TENM2: variants seen among roughly 807,000 people sequenced by gnomAD.
TENM2 encodes teneurin-2.
Under a neutral mutation model 245.2 loss-of-function variants are expected in TENM2, and 52 were observed. The ratio of observed to expected loss-of-function variants is 0.21; its 90% confidence interval spans 0.17 to 0.27. The LOEUF is 0.27. Ranked by LOEUF, TENM2 falls within the 10% of genes least tolerant of loss-of-function variation. TENM2 has a pLI of 1.00. For synonymous variants in TENM2, 1,363 were observed against 1,438.9 expected (o/e 0.95, Z 1.19); for missense variants, 3,046 against 3,666.8 (o/e 0.83, Z 4.37).
chr5:167,917,950 T>C (rs2151619027), intron 3 of TENM2, among the ~76,000 whole-genome samples: 1 of 152,324 alleles, frequency 6.6e-6, no homozygotes, highest in East Asian at 1.9e-4. Context: ...ATTATTATTA[T>C]TGGTTAGTGT....
chr5:168,219,514 AAC>A (rs1389208583), intron 23 of TENM2, among the ~76,000 whole-genome samples: 1 of 152,104 alleles, frequency 6.6e-6, no homozygotes, highest in Non-Finnish European at 1.5e-5. Flanking sequence ...TATTTCCCCT[AAC>A]AATTATCTCA....
chr5:167,016,983 T>G, the TENM2 span, among the ~76,000 whole-genome samples: 1 of 152,232 alleles, frequency 6.6e-6, no homozygotes, highest in African/African-American at 2.4e-5. Flanking sequence ...TGCCAATTTC[T>G]GAGCCAATCC....
the TENM2 span, among the ~76,000 whole-genome samples, chr5:167,094,207 T>C: frequency 6.6e-6 from 1 of 152,222 alleles, no homozygotes; most frequent in Non-Finnish European, 1.5e-5. Context: ...TGACATATAA[T>C]AAACTACACA....
intron 2 of TENM2, among the ~76,000 whole-genome samples, chr5:167,721,869 A>C (rs1180950771): frequency 6.6e-6 from 1 of 152,202 alleles, no homozygotes; most frequent in African/African-American, 2.4e-5. Flanking sequence ...CAGAAATTCC[A>C]AATGATTCCC....
At chr5:167,852,856 C>A (rs957956659) in intron 2 of TENM2, among the ~76,000 whole-genome samples, 1 of 152,226 alleles carries the variant, frequency 6.6e-6, no homozygotes, top group Admixed American at 6.5e-5. Flanking sequence ...TCATTATGAG[C>A]TGAATTTGTT....
chr5:168,214,747 A>G (rs769248119), intron 20 of TENM2: 32 of 504,874 alleles, frequency 6.3e-5, no homozygotes, highest in Non-Finnish European at 1.2e-4. Flanking sequence ...TATCCTGCTT[A>G]CAAAAACAGG....
chr5:167,197,715 C>T, the TENM2 span, among the ~76,000 whole-genome samples: 2 of 152,024 alleles, frequency 1.3e-5, no homozygotes, highest in Non-Finnish European at 2.9e-5. Flanking sequence ...AAGGCAGCCT[C>T]AACCTCATCA....
intron 5 of TENM2, among the ~76,000 whole-genome samples, chr5:168,040,959 C>T (rs921566565): frequency 3.3e-5 from 5 of 152,170 alleles, no homozygotes; most frequent in Admixed American, 6.5e-5. Context: ...AGGACATATT[C>T]GTAGAGACTA....
At chr5:166,983,458 A>C in the TENM2 span, among the ~76,000 whole-genome samples, 2 of 152,142 alleles carry the variant, frequency 1.3e-5, no homozygotes, top group Non-Finnish European at 2.9e-5. Flanking sequence ...AAGTACAGTA[A>C]TGTGCTTTTC....
chr5:167,415,304 A>G (rs995786380), intron 2 of TENM2, among the ~76,000 whole-genome samples: 1 of 152,124 alleles, frequency 6.6e-6, no homozygotes, highest in African/African-American at 2.4e-5. Flanking sequence ...TTAACTTTAC[A>G]TTCAAATAAA....
At chr5:168,102,366 C>A (rs1793894155) in intron 9 of TENM2, among the ~76,000 whole-genome samples, 1 of 152,192 alleles carries the variant, frequency 6.6e-6, no homozygotes, top group Non-Finnish European at 1.5e-5. Flanking sequence ...AGCCACCTCG[C>A]CCAGCGATAA....
intron 1 of TENM2, among the ~76,000 whole-genome samples, chr5:167,319,158 C>G (rs1352471601): frequency 1.3e-5 from 2 of 152,118 alleles, no homozygotes; most frequent in Admixed American, 1.3e-4. Flanking sequence ...TGGGGCCAGG[C>G]TGAATATTAT....
chr5:167,593,116 A>G (rs1775984646), intron 2 of TENM2, among the ~76,000 whole-genome samples: 1 of 152,186 alleles, frequency 6.6e-6, no homozygotes, highest in South Asian at 2.1e-4. Context: ...CTCACTTTGC[A>G]TGGTCCTGCC....
At chr5:167,346,610 G>A (rs761665641) in intron 1 of TENM2, among the ~76,000 whole-genome samples, 11 of 152,058 alleles carry the variant, frequency 7.2e-5, no homozygotes, top group East Asian at 1.9e-4. Context: ...GAACTGTGAC[G>A]GTTCTGAGAT....
At chr5:167,006,332 T>C in the TENM2 span, among the ~76,000 whole-genome samples, 1 of 152,226 alleles carries the variant, frequency 6.6e-6, no homozygotes, top group Non-Finnish European at 1.5e-5. Context: ...AATTATTAAA[T>C]TGAGGGAATT....
chr5:167,368,196 TCA>T (rs1401542473), intron 1 of TENM2, among the ~76,000 whole-genome samples: 1 of 152,208 alleles, frequency 6.6e-6, no homozygotes, highest in African/African-American at 2.4e-5. Flanking sequence ...AAACTATATT[TCA>T]GTTTGTTTAA....
chr5:167,455,757 G>C (rs938699952), intron 2 of TENM2, among the ~76,000 whole-genome samples: 1 of 152,076 alleles, frequency 6.6e-6, no homozygotes, highest in Non-Finnish European at 1.5e-5. Flanking sequence ...CCAAGAGACC[G>C]TTCAAGGGTG....
At chr5:167,640,369 G>T (rs1012143634) in intron 2 of TENM2, among the ~76,000 whole-genome samples, 2 of 152,094 alleles carry the variant, frequency 1.3e-5, no homozygotes, top group African/African-American at 4.8e-5. Flanking sequence ...TGTAATCCCA[G>T]CACTTTGGGA....
chr5:167,016,582 T>G, the TENM2 span, among the ~76,000 whole-genome samples: 1 of 152,314 alleles, frequency 6.6e-6, no homozygotes, highest in South Asian at 2.1e-4. Context: ...AAATGTGATA[T>G]CTACATAAAA....
Sources: allele counts gnomAD v4.1 joint callset (sites outside exome capture counted in the v4.1 genomes callset), GRCh38; gene constraint gnomAD v4.1.1; transcripts MANE v1.5; gene names NCBI Gene and HGNC (gene_info 2026-07-23, HGNC 2026-07-21).